EYS: variants seen among roughly 807,000 people sequenced by gnomAD.
EYS encodes the protein protein eyes shut homolog.
In EYS, 250 loss-of-function variants were observed where a neutral mutation model predicts 282.1. The observed-to-expected ratio is 0.89, with a 90% CI of 0.80 to 0.98. The LOEUF is 0.98. EYS is among the 50% of genes least tolerant of loss of function. The pLI is 0.00. For synonymous variants in EYS, 1,355 were observed against 1,282.9 expected (o/e 1.06, Z -1.20); for missense variants, 4,016 against 3,709.0 (o/e 1.08, Z -2.15).
intron 5 of EYS, among the ~76,000 whole-genome samples, chr6:65,431,009 A>C (rs2150384095): frequency 6.6e-6 from 1 of 152,298 alleles, no homozygotes; most frequent in Admixed American, 6.5e-5. Flanking sequence ...CAGAGGAAAA[A>C]GAAGAGGGAA....
Position 65,181,507 on chromosome 6 carries a change from G to C in EYS, c.2023+114356C>G, listed in dbSNP as rs144644005. On this transcript the variant is annotated intron_variant, in intron 12 of 42. Coordinates refer to ENST00000503581, the MANE Select transcript of EYS (RefSeq NM_001142800.2). ...GAAATGCAAATCAAAACCATAATGAGATATCATCTCACACCAGTTAGAATG... is the reference window on the plus strand; with the variant it reads ...GAAATGCAAATCAAAACCATAATGACATATCATCTCACACCAGTTAGAATG... Among the ~76,000 whole-genome samples the C allele has an allele frequency of 4.1e-3, 622 of 152,228 alleles. 3 individuals are homozygous for C. Among genetic ancestry groups the C allele is most frequent in the South Asian group, 8.5e-3 (41 of 4,828 alleles).
rs1185471429 is a variant in EYS, at chr6:63,789,095, A to G, written c.7541T>C (p.Val2514Ala). 4 of 1,551,648 alleles carry G rather than the reference A, an allele frequency of 2.6e-6. No homozygotes were observed. The highest frequency in any genetic ancestry group is 1.7e-6 in the Non-Finnish European group (2 of 1,146,936). ...CTCTTGGAAGAACTTGCCCAGATGA[A>G]CAGTGTGGACTCCAAGGCTCAGATT... ...PLNLSLGVHTVHLGKFFQEGW... is the reference protein window; with the variant it reads ...PLNLSLGVHTAHLGKFFQEGW... Residue 2514 changes from valine (V) to alanine (A), a missense_variant, in exon 38 of 43, where the codon GTT becomes GCT. Physicochemically the swap from Val to Ala is moderately conservative, Grantham distance 64. Coordinates refer to ENST00000503581, the MANE Select transcript of EYS (RefSeq NM_001142800.2).
chr6:64,797,857 G>T (rs777841846), intron 22 of EYS, among the ~76,000 whole-genome samples: 2 of 151,818 alleles, frequency 1.3e-5, no homozygotes, highest in Non-Finnish European at 2.9e-5. Flanking sequence ...AATGCAAATT[G>T]TCTATTTATG....
At chr6:63,847,343 G>A (rs539481152) in intron 36 of EYS, among the ~76,000 whole-genome samples, 11 of 152,238 alleles carry the variant, frequency 7.2e-5, no homozygotes, top group African/African-American at 2.6e-4. Context: ...GAATTTGGTT[G>A]CAAGCTATAA....
rs757133548 is a variant in EYS, at chr6:64,938,516, T to C, written c.2381+7277A>G. On this transcript the variant is annotated intron_variant, in intron 15 of 42. Coordinates refer to ENST00000503581, the MANE Select transcript of EYS (RefSeq NM_001142800.2). ...TTATATATAGATGGTCCCCAACTGGTTTGACGTGATGTCTTGTCTTTACAA... is the reference window on the plus strand; with the variant it reads ...TTATATATAGATGGTCCCCAACTGGCTTGACGTGATGTCTTGTCTTTACAA... Among the ~76,000 whole-genome samples, 55 of 151,718 alleles carry C rather than the reference T, an allele frequency of 3.6e-4. 1 individual carries two copies. Among genetic ancestry groups the C allele is most frequent in the Non-Finnish European group, 1.8e-4 (12 of 67,740 alleles).
chr6:64,432,867 G>A (rs1774618380), intron 28 of EYS, among the ~76,000 whole-genome samples: 1 of 151,894 alleles, frequency 6.6e-6, no homozygotes, highest in Admixed American at 6.6e-5. Flanking sequence ...CATTTTGACT[G>A]TCCCTTTCAT....
At chr6:65,058,948 A>C (rs1308125688) in intron 12 of EYS, among the ~76,000 whole-genome samples, 1 of 152,142 alleles carries the variant, frequency 6.6e-6, no homozygotes, top group African/African-American at 2.4e-5. Flanking sequence ...TAAAACAGTA[A>C]CATGAATTTA....
At chr6:65,200,309 T>C (rs1050600176) in intron 12 of EYS, among the ~76,000 whole-genome samples, 2 of 151,622 alleles carry the variant, frequency 1.3e-5, no homozygotes, top group South Asian at 2.1e-4. Context: ...TGGAGATGAC[T>C]AGTAACTAGA....
At chr6:64,902,551 A>C (rs528657355) in intron 16 of EYS, 51 bp from the exon 17 acceptor site, 118 of 1,096,324 alleles carry the variant, frequency 1.1e-4, no homozygotes, top group Non-Finnish European at 1.3e-4. Flanking sequence ...TTATAGAGTA[A>C]AAAAATCAGA....
intron 2 of EYS, among the ~76,000 whole-genome samples, chr6:65,575,094 A>T (rs747214102): frequency 2.0e-5 from 3 of 152,074 alleles, no homozygotes; most frequent in Non-Finnish European, 2.9e-5. Context: ...GCCAAGGTGC[A>T]TGGATCACTT....
intron 12 of EYS, among the ~76,000 whole-genome samples, chr6:65,098,055 A>C (rs910168006): frequency 1.3e-5 from 2 of 150,650 alleles, no homozygotes; most frequent in Non-Finnish European, 3.0e-5. Context: ...GTCATATCTC[A>C]AAATGTCCTA....
chr6:65,394,197 A>G (rs1166706374), intron 7 of EYS, among the ~76,000 whole-genome samples: 1 of 151,960 alleles, frequency 6.6e-6, no homozygotes, highest in African/African-American at 2.4e-5. Context: ...GAGTCATTGC[A>G]TTCAGTAAAA....
intron 31 of EYS, among the ~76,000 whole-genome samples, chr6:64,103,047 G>T (rs1349116189): frequency 3.9e-5 from 6 of 151,946 alleles, no homozygotes; most frequent in Admixed American, 3.9e-4. Context: ...GAATATGATA[G>T]GTAGAGAAAA....
intron 26 of EYS, among the ~76,000 whole-genome samples, chr6:64,486,918 A>AT (rs1324317726): frequency 6.6e-6 from 1 of 151,308 alleles, no homozygotes; most frequent in Non-Finnish European, 1.5e-5. Flanking sequence ...CTAATTTATT[A>AT]TTTTTTACAG....
chr6:64,499,768 G>A (rs1031669120), intron 26 of EYS, among the ~76,000 whole-genome samples: 6 of 151,968 alleles, frequency 3.9e-5, no homozygotes, highest in Non-Finnish European at 1.5e-5. Flanking sequence ...TTTGAGAACT[G>A]TAACATAACA....
At chr6:64,358,195 T>C (rs555994611) in intron 29 of EYS, among the ~76,000 whole-genome samples, 9 of 151,772 alleles carry the variant, frequency 5.9e-5, no homozygotes, top group African/African-American at 1.9e-4. Flanking sequence ...TGCCAATCTG[T>C]GTCCATGGGT....
intron 22 of EYS, among the ~76,000 whole-genome samples, chr6:64,780,694 G>A (rs927413356): frequency 1.3e-5 from 2 of 151,964 alleles, no homozygotes; most frequent in African/African-American, 4.8e-5. Flanking sequence ...TGCAATGAAA[G>A]GCAAAAAATA....
At chr6:65,211,788 G>T (rs1393986267) in intron 12 of EYS, among the ~76,000 whole-genome samples, 1 of 151,850 alleles carries the variant, frequency 6.6e-6, no homozygotes, top group Non-Finnish European at 1.5e-5. Flanking sequence ...TTATTTTTGT[G>T]TGTGTACTCC....
rs319926 is a variant in EYS, at chr6:63,791,390, C to T, written c.7412-2166G>A. Among the ~76,000 whole-genome samples the T allele has an allele frequency of 2.8e-3, 425 of 152,056 alleles. 1 individual carries two copies. The highest frequency in any genetic ancestry group is 9.4e-3 in the African/African-American group (391 of 41,498). ...ACCATCCTGGCCATCCTGGCTAACA[C>T]GGTGAAACCCCATCTCTACTAAAAA... On this transcript the variant is annotated intron_variant, in intron 37 of 42. Coordinates refer to ENST00000503581, the MANE Select transcript of EYS (RefSeq NM_001142800.2).
Sources: gnomAD v4.1 joint callset for allele counts (sites outside exome capture counted in the v4.1 genomes callset) on GRCh38, gnomAD v4.1.1 for gene constraint, MANE v1.5 for transcripts, NCBI Gene and HGNC (gene_info 2026-07-23, HGNC 2026-07-21) for gene names.